EPHA6: variants seen among roughly 807,000 people sequenced by gnomAD.
The protein encoded by EPHA6 is EPH receptor A6, also known as ephrin type-A receptor 6.
In EPHA6, 50 loss-of-function variants were observed where a neutral mutation model predicts 112.0. The observed-to-expected ratio is 0.45, with a 90% confidence interval of 0.36 to 0.56. The LOEUF (loss-of-function observed/expected upper bound fraction) is 0.56, where lower values mean the gene tolerates loss of function less well. Among genes scored for constraint, EPHA6 ranks in the 20% least tolerant of loss-of-function variants. The pLI, the probability that EPHA6 is intolerant of heterozygous loss-of-function variation, is 0.00. For missense variants in EPHA6, 1,280 were observed against 1,417.4 expected, an observed-to-expected ratio of 0.90 and a Z score of 1.56; for synonymous variants, 529 against 490.7, an observed-to-expected ratio of 1.08 and a Z score of -1.03.
chr3:97,291,784 T>A (rs1303639197), intron 5 of EPHA6, among the ~76,000 whole-genome samples: 3 of 152,230 alleles, frequency 2.0e-5, no homozygotes, highest in Non-Finnish European at 2.9e-5. Flanking sequence ...CTCTTTTTAC[T>A]GCTTTTGACT....
Position 97,759,516 on chromosome 3 carries a change from A to G in EPHA6, c.*10815A>G. 4.3e-6 allele frequency: 1 copy of G among 230,722 alleles called. No homozygotes were observed. The highest frequency in any genetic ancestry group is 8.6e-6 in the Non-Finnish European group (1 of 116,382). The allele number at this position is 230,722 out of a possible 1,614,324, so 14.3% of individuals were successfully genotyped here. A position where few individuals can be genotyped will look rare whatever the true frequency, so the allele number is the denominator to read the frequency against. ...TGACTTGGCAGACAGGGGAAAACTG[A>G]TTATGCAAGAGAGATGATAATTGTA... On this transcript the variant is annotated 3_prime_UTR_variant, in exon 18 of 18. Coordinates refer to ENST00000389672, the MANE Select transcript of EPHA6 (RefSeq NM_001080448.3).
chr3:97,270,410 G>C (rs1265080602), intron 5 of EPHA6, among the ~76,000 whole-genome samples: 1 of 152,100 alleles, frequency 6.6e-6, no homozygotes, highest in African/African-American at 2.4e-5. Flanking sequence ...ACCTCTCTCT[G>C]TGCTTAAAGC....
chr3:97,288,018 T>C (rs2080534227), intron 5 of EPHA6, among the ~76,000 whole-genome samples: 1 of 150,488 alleles, frequency 6.6e-6, no homozygotes, highest in Non-Finnish European at 1.5e-5. Context: ...AATAAAGCAG[T>C]GAAGCCATCC....
chr3:96,864,079 C>T (rs543286298), intron 1 of EPHA6, among the ~76,000 whole-genome samples: 1 of 152,122 alleles, frequency 6.6e-6, no homozygotes, highest in Non-Finnish European at 1.5e-5. Context: ...AAAACCAAGT[C>T]CTGGTTTGTA....
intron 5 of EPHA6, among the ~76,000 whole-genome samples, chr3:97,306,888 AT>A (rs565998568): frequency 3.7e-3 from 523 of 140,548 alleles, no homozygotes; most frequent in Middle Eastern, 3.6e-3. Context: ...TGTCACCTAC[AT>A]TTTTTTTTTT....
chr3:97,393,309 G>C (rs1324931170), intron 5 of EPHA6, among the ~76,000 whole-genome samples: 1 of 151,704 alleles, frequency 6.6e-6, no homozygotes, highest in Admixed American at 6.6e-5. Context: ...TATAGAACCT[G>C]TTATATAAGC....
At chr3:97,171,829 T>G (rs143539381) in intron 3 of EPHA6, among the ~76,000 whole-genome samples, 1 of 152,000 alleles carries the variant, frequency 6.6e-6, no homozygotes, top group Admixed American at 6.6e-5. Context: ...CAAGAGCCAA[T>G]CCGGAGTAGA....
At chr3:97,479,187 T>C in intron 8 of EPHA6, 107 bp from the exon 9 acceptor site, 3 of 601,674 alleles carry the variant, frequency 5.0e-6, no homozygotes, top group East Asian at 6.0e-5. Context: ...TTAAAAGTGG[T>C]CTTTATGACA....
chr3:97,112,424 A>G (rs553053852), intron 3 of EPHA6, among the ~76,000 whole-genome samples: 2 of 152,258 alleles, frequency 1.3e-5, no homozygotes, highest in Middle Eastern at 6.8e-3. Flanking sequence ...TATTACTACA[A>G]TATTTTGGCT....
At chr3:97,324,410 T>TTTCTTTCTTTCG (rs2082275467) in intron 5 of EPHA6, among the ~76,000 whole-genome samples, 1 of 99,514 alleles carries the variant, frequency 1.0e-5, no homozygotes, top group Non-Finnish European at 2.1e-5. Flanking sequence ...CCTTCTTTTC[T>TTTCTTTCTTTCG]TTCTTTCTTT....
chr3:96,836,210 G>A (rs958594920), intron 1 of EPHA6, among the ~76,000 whole-genome samples: 1 of 151,888 alleles, frequency 6.6e-6, no homozygotes, highest in African/African-American at 2.4e-5. Context: ...TAACTATCTG[G>A]CAAAATTATT....
chr3:97,538,653 C>T (rs2092795626), intron 11 of EPHA6, among the ~76,000 whole-genome samples: 1 of 152,038 alleles, frequency 6.6e-6, no homozygotes. Flanking sequence ...AGAGGAGCAA[C>T]CTGAAAAGCA....
Position 97,489,497 on chromosome 3 carries a change from A to C in EPHA6, c.2200+5438A>C, listed in dbSNP as rs544000212. Reference sequence around the variant, plus strand: ...TCAGGAGATCAAGACAATCTTGGCTAACACGGTGAAACCCTGTCTCTACTA... The same window carrying C: ...TCAGGAGATCAAGACAATCTTGGCTCACACGGTGAAACCCTGTCTCTACTA... On this transcript the variant is annotated intron_variant, in intron 10 of 17. Coordinates refer to ENST00000389672, the MANE Select transcript of EPHA6 (RefSeq NM_001080448.3). Among the ~76,000 whole-genome samples the C allele has an allele frequency of 2.0e-5, 3 of 152,250 alleles. No homozygotes were observed. The South Asian group carries it at 6.2e-4, about 32-fold the overall frequency.
At chr3:96,938,315 G>A (rs1176294028) in intron 2 of EPHA6, among the ~76,000 whole-genome samples, 1 of 151,898 alleles carries the variant, frequency 6.6e-6, no homozygotes, top group Admixed American at 6.6e-5. Context: ...CCTTGAAGAG[G>A]TCCTTCACAT....
At chr3:97,548,581 C>A (rs1346817551) in intron 11 of EPHA6, among the ~76,000 whole-genome samples, 2 of 152,114 alleles carry the variant, frequency 1.3e-5, no homozygotes, top group African/African-American at 2.4e-5. Flanking sequence ...AATTAGAATT[C>A]TTCTCTACAG....
chr3:97,464,240 G>A (rs569080854), intron 7 of EPHA6, among the ~76,000 whole-genome samples: 3 of 152,204 alleles, frequency 2.0e-5, no homozygotes, highest in African/African-American at 7.2e-5. Flanking sequence ...GTAATCCAAT[G>A]CATATGACTG....
At chr3:97,596,904 A>ATG (rs1344512869) in intron 12 of EPHA6, among the ~76,000 whole-genome samples, 1 of 133,742 alleles carries the variant, frequency 7.5e-6, no homozygotes, top group African/African-American at 2.9e-5. Context: ...ATATATATAT[A>ATG]TGTATGTATA....
chr3:97,421,810 G>T (rs954038358), intron 6 of EPHA6, among the ~76,000 whole-genome samples: 1 of 152,068 alleles, frequency 6.6e-6, no homozygotes, highest in South Asian at 2.1e-4. Context: ...AAACAGACTT[G>T]CACATGTGTG....
intron 14 of EPHA6, among the ~76,000 whole-genome samples, chr3:97,647,734 A>T (rs1244753386): frequency 6.6e-6 from 1 of 152,134 alleles, no homozygotes; most frequent in African/African-American, 2.4e-5. Flanking sequence ...GTGCTAAGAA[A>T]TCACTGCCTT....
Sources: allele counts gnomAD v4.1 joint callset (sites outside exome capture counted in the v4.1 genomes callset), GRCh38; gene constraint gnomAD v4.1.1; transcripts MANE v1.5; gene names NCBI Gene and HGNC (gene_info 2026-07-23, HGNC 2026-07-21).